Variants in TP63 observed in about 807,000 individuals in gnomAD.
TP63 encodes tumor protein 63.
In TP63, 17 loss-of-function variants were observed where a neutral mutation model predicts 82.8. The observed-to-expected ratio is 0.21, with a 90% CI of 0.14 to 0.31. The LOEUF (loss-of-function observed/expected upper bound fraction) is 0.31. TP63 is among the 10% of genes least tolerant of loss of function. The pLI, the probability that TP63 is intolerant of heterozygous loss-of-function variation, is 1.00. For missense variants in TP63, 648 were observed against 895.3 expected, an observed-to-expected ratio of 0.72 and a Z score of 3.52; for synonymous variants, 330 against 321.7, an observed-to-expected ratio of 1.03 and a Z score of -0.28.
At chr3:189,768,878 T>C (rs1723135254) in intron 3 of TP63, among the ~76,000 whole-genome samples, 1 of 152,160 alleles carries the variant, frequency 6.6e-6, no homozygotes. Flanking sequence ...AAATGACATT[T>C]ACAAGAAGTA....
At chr3:189,844,764 G>A (rs1404184975) in intron 4 of TP63, among the ~76,000 whole-genome samples, 3 of 152,064 alleles carry the variant, frequency 2.0e-5, no homozygotes, top group African/African-American at 4.8e-5. Context: ...GTGTCTCAGC[G>A]CTAAGGGTCT....
intron 4 of TP63, among the ~76,000 whole-genome samples, chr3:189,853,381 T>C (rs1715897221): frequency 1.3e-5 from 2 of 152,166 alleles, no homozygotes; most frequent in South Asian, 4.1e-4. Context: ...TGATCTTGGA[T>C]CTTAACTCCT....
chr3:189,681,669 G>A (rs763218013), intron 1 of TP63, among the ~76,000 whole-genome samples: 2 of 151,910 alleles, frequency 1.3e-5, no homozygotes, highest in Non-Finnish European at 2.9e-5. Context: ...GAACTCTACT[G>A]GTTCTCTTCT....
chr3:189,772,109 A>G (rs1167837996), intron 3 of TP63, among the ~76,000 whole-genome samples: 2 of 152,206 alleles, frequency 1.3e-5, no homozygotes, highest in Admixed American at 6.5e-5. Context: ...ACATTCTGCT[A>G]ATTTGCTTCT....
chr3:189,875,611 T>TATATATATATATATATATACACAC (rs1719021078), intron 10 of TP63, among the ~76,000 whole-genome samples: 41 of 77,010 alleles, frequency 5.3e-4, no homozygotes, highest in Non-Finnish European at 9.2e-4. Flanking sequence ...TATATATATA[T>TATATATATATATATATATACACAC]ATATATATAT....
At chr3:189,884,423 C>G (rs548670985) in intron 10 of TP63, among the ~76,000 whole-genome samples, 2 of 152,282 alleles carry the variant, frequency 1.3e-5, no homozygotes, top group South Asian at 4.1e-4. Flanking sequence ...GCCAGGAGAC[C>G]TAGTTCTGCC....
chr3:189,657,821 T>C lies in TP63; in HGVS notation c.62+26244T>C, dbSNP rs538964799. On this transcript the variant is annotated intron_variant, in intron 1 of 13. Transcript: ENST00000264731. ...ATGTTCAAGTGTTTGTATACTTTCA[T>C]ATTTCCTTGCTCTACCAACTGATGG... Among the ~76,000 whole-genome samples the C allele has an allele frequency of 8.8e-4, 134 of 152,260 alleles. 1 individual carries two copies. Among genetic ancestry groups the C allele is most frequent in the African/African-American group, 3.1e-3 (130 of 41,576 alleles).
At chr3:189,868,012 C>A in intron 7 of TP63, 70 bp downstream of exon 7, 2 of 1,281,284 alleles carry the variant, frequency 1.6e-6, no homozygotes, top group Non-Finnish European at 2.2e-6. Context: ...GAAATCGTGG[C>A]TGCTTTATCA....
rs747728012 is a variant in TP63 at position 189,889,449 on chromosome 3, C to T, written c.1617C>T (p.Pro539=). ...TGCCATCCACCTCCCACTGCACACCCCCACCTCCGTATCCCACAGATTGCA... is the reference window on the plus strand; with the variant it reads ...TGCCATCCACCTCCCACTGCACACCTCCACCTCCGTATCCCACAGATTGCA... The part of the protein sequence containing the change: ...LSMPSTSHCT[P]PPPYPTDCSI... Residue 539 remains proline (P), a synonymous_variant, in exon 12 of 14, where the codon CCC becomes CCT. Transcript: ENST00000264731. The T allele has an allele frequency of 3.7e-6, 6 of 1,614,194 alleles. No homozygotes were observed. The highest frequency in any genetic ancestry group is 3.4e-6 in the Non-Finnish European group (4 of 1,180,024).
chr3:189,726,664 C>A (rs566816529), intron 1 of TP63, among the ~76,000 whole-genome samples: 1 of 152,246 alleles, frequency 6.6e-6, no homozygotes, highest in South Asian at 2.1e-4. Flanking sequence ...GAGGATCCTG[C>A]CTCATTGGTC....
At chr3:189,670,615 A>G (rs956347978) in intron 1 of TP63, among the ~76,000 whole-genome samples, 4 of 152,096 alleles carry the variant, frequency 2.6e-5, no homozygotes, top group Non-Finnish European at 5.9e-5. Context: ...CAGGACACAT[A>G]AAAGATTGTA....
intron 1 of TP63, among the ~76,000 whole-genome samples, chr3:189,658,914 A>C (rs539999364): frequency 6.6e-6 from 1 of 152,016 alleles, no homozygotes; most frequent in South Asian, 2.1e-4. Context: ...GTATTGGTTC[A>C]TTAATTGTGA....
chr3:189,632,702 T>C (rs1196198097), intron 1 of TP63, among the ~76,000 whole-genome samples: 1 of 152,122 alleles, frequency 6.6e-6, no homozygotes, highest in African/African-American at 2.4e-5. Context: ...TTGTTGGTGG[T>C]GGCTTGATTC....
chr3:189,783,672 T>C (rs1484982147), intron 3 of TP63, among the ~76,000 whole-genome samples: 1 of 151,846 alleles, frequency 6.6e-6, no homozygotes, highest in Non-Finnish European at 1.5e-5. Flanking sequence ...TAAGGCAAAA[T>C]ATATTAATAG....
At chr3:189,848,244 T>TCTCTCTCTCTCC (rs1259156079) in intron 4 of TP63, among the ~76,000 whole-genome samples, 2 of 135,410 alleles carry the variant, frequency 1.5e-5, no homozygotes, top group Non-Finnish European at 3.2e-5. Flanking sequence ...CCTCCTTCTC[T>TCTCTCTCTCTCC]CTCTCTCTCT....
intron 3 of TP63, among the ~76,000 whole-genome samples, chr3:189,803,311 T>A (rs1006908265): frequency 6.6e-6 from 1 of 152,036 alleles, no homozygotes; most frequent in African/African-American, 2.4e-5. Flanking sequence ...AGAAAAAAAA[T>A]TATCTTTTAC....
At chr3:189,824,559 G>A (rs1729139579) in intron 4 of TP63, among the ~76,000 whole-genome samples, 1 of 152,014 alleles carries the variant, frequency 6.6e-6, no homozygotes, top group Non-Finnish European at 1.5e-5. Flanking sequence ...GGCTGTGCCG[G>A]GGCTGCTGTG....
rs1712547073 is a variant in TP63 at position 189,647,782 on chromosome 3, C to T, written c.62+16205C>T. Among the ~76,000 whole-genome samples the T allele has an allele frequency of 1.4e-5, 2 of 146,766 alleles. 1 individual carries two copies. Among genetic ancestry groups the T allele is most frequent in the Non-Finnish European group, 3.0e-5 (2 of 67,278 alleles). ...CTACCCTGCCTTCTCCCATCCATCG[C>T]TATAGATGTTTCCATGAATAGAAAA... On this transcript the variant is annotated intron_variant, in intron 1 of 13. Coordinates refer to ENST00000264731, the MANE Select transcript of TP63 (RefSeq NM_003722.5).
chr3:189,658,897 T>C (rs74438568), intron 1 of TP63, among the ~76,000 whole-genome samples: 282 of 152,122 alleles, frequency 1.9e-3, no homozygotes, highest in African/African-American at 6.5e-3. Flanking sequence ...TTGATAATAA[T>C]GTATCGGTAT....
Sources: allele counts gnomAD v4.1 joint callset (sites outside exome capture counted in the v4.1 genomes callset), GRCh38; gene constraint gnomAD v4.1.1; transcripts MANE v1.5; gene names NCBI Gene and HGNC (gene_info 2026-07-23, HGNC 2026-07-21).